SPATA31G1: variants seen among roughly 807,000 people sequenced by gnomAD.
SPATA31G1 encodes spermatogenesis-associated protein 31G1.
chr9:35,043,690 GA>G, the SPATA31G1 span: 2 of 1,614,172 alleles, frequency 1.2e-6, no homozygotes, highest in Non-Finnish European at 1.7e-6. Context: ...TCAGAACCCA[GA>G]AAAGTTAGCC....
chr9:35,042,628 C>A, the SPATA31G1 span: 1 of 1,333,576 alleles, frequency 7.5e-7, no homozygotes, highest in Non-Finnish European at 1.0e-6. Flanking sequence ...AGATTTGAAG[C>A]CAGGTGAGTG....
the SPATA31G1 span, chr9:35,042,018 G>A: frequency 1.8e-4 from 102 of 554,364 alleles, no homozygotes; most frequent in Non-Finnish European, 2.3e-4. Flanking sequence ...AAGGCAGTTC[G>A]GTGCTAGAAT....
chr9:35,042,704 T>C, the SPATA31G1 span: 1 of 1,164,954 alleles, frequency 8.6e-7, no homozygotes, highest in South Asian at 1.5e-5. Context: ...TAATGACCAT[T>C]AACACTAGAT....
chr9:35,044,771 TCCCCAAGGCC>T, the SPATA31G1 span: 2 of 1,613,654 alleles, frequency 1.2e-6, no homozygotes, highest in South Asian at 2.2e-5. Flanking sequence ...AAAGAGAAGT[TCCCCAAGGCC>T]CCAGCCCTCT....
the SPATA31G1 span, chr9:35,045,594 C>T: frequency 1.2e-6 from 2 of 1,614,106 alleles, no homozygotes; most frequent in African/African-American, 2.7e-5. Flanking sequence ...AAGCACATTT[C>T]CCCAAAGGTC....
chr9:35,045,767 C>G, the SPATA31G1 span: 1 of 1,614,236 alleles, frequency 6.2e-7, no homozygotes, highest in East Asian at 2.2e-5. Flanking sequence ...AGAAGTATCT[C>G]TCCTTCCCTA....
chr9:35,043,331 C>T, the SPATA31G1 span: 1 of 1,614,206 alleles, frequency 6.2e-7, no homozygotes, highest in Non-Finnish European at 8.5e-7. Context: ...ACAAGCTTGC[C>T]TTCCTACCTA....
chr9:35,044,662 A>C, the SPATA31G1 span: 2 of 1,614,164 alleles, frequency 1.2e-6, no homozygotes, highest in African/African-American at 1.3e-5. Flanking sequence ...GAGCAAAGAA[A>C]GAACCACTGG....
At chr9:35,045,183 C>A in the SPATA31G1 span, 1 of 1,614,102 alleles carries the variant, frequency 6.2e-7, no homozygotes, top group Non-Finnish European at 8.5e-7. Context: ...AGAAGTTCAG[C>A]GCACAGTACC....
the SPATA31G1 span, chr9:35,042,886 C>T: frequency 8.7e-6 from 14 of 1,614,048 alleles, no homozygotes; most frequent in Non-Finnish European, 1.2e-5. Flanking sequence ...CACCGTGTGG[C>T]CTTCCTTGAT....
At chr9:35,043,719 A>G in the SPATA31G1 span, 27 of 1,614,184 alleles carry the variant, frequency 1.7e-5, no homozygotes, top group South Asian at 2.5e-4. Context: ...AGGACTTGCT[A>G]TATCTAAGGA....
the SPATA31G1 span, chr9:35,043,638 G>C: frequency 2.5e-6 from 4 of 1,614,176 alleles, no homozygotes; most frequent in Non-Finnish European, 3.4e-6. Flanking sequence ...CCAAGCTTTT[G>C]AGCCTCCGAT....
the SPATA31G1 span, chr9:35,044,369 C>A: frequency 3.7e-6 from 6 of 1,614,032 alleles, no homozygotes; most frequent in Non-Finnish European, 5.1e-6. Context: ...CCATGGGGGT[C>A]CTGTCTGATT....
chr9:35,044,213 C>G, the SPATA31G1 span: 1 of 1,614,196 alleles, frequency 6.2e-7, no homozygotes, highest in Admixed American at 1.7e-5. Flanking sequence ...TGGAACCACA[C>G]AGAATCAATC....
At chr9:35,044,180 T>C in the SPATA31G1 span, 9 of 1,614,118 alleles carry the variant, frequency 5.6e-6, no homozygotes, top group Non-Finnish European at 7.6e-6. Context: ...ACCCTGTTCA[T>C]AGCACACCTC....
At chr9:35,042,294 G>A in the SPATA31G1 span, 58 of 1,614,074 alleles carry the variant, frequency 3.6e-5, no homozygotes, top group Non-Finnish European at 4.8e-5. Context: ...GGCTAAGGGG[G>A]ATATGGGGCT....
At chr9:35,043,972 C>A in the SPATA31G1 span, 80 of 1,613,166 alleles carry the variant, frequency 5.0e-5, 1 homozygote, top group East Asian at 1.8e-3. Context: ...GTCCCACCAG[C>A]ATCTGAGACA....
At chr9:35,044,780 C>T in the SPATA31G1 span, 3 of 1,614,038 alleles carry the variant, frequency 1.9e-6, no homozygotes, top group South Asian at 1.1e-5. Flanking sequence ...TTCCCCAAGG[C>T]CCCAGCCCTC....
Sources: allele counts gnomAD v4.1 joint callset, GRCh38; gene constraint gnomAD v4.1.1; transcripts MANE v1.5; gene names NCBI Gene and HGNC (gene_info 2026-07-23, HGNC 2026-07-21).